The following ZDHHC14 variants were observed in gnomAD, a reference collection of about 807,000 sequenced individuals.
ZDHHC14 encodes the protein zDHHC palmitoyltransferase 14, also known as palmitoyltransferase ZDHHC14.
Under a neutral mutation model 47.7 loss-of-function variants are expected in ZDHHC14, and 16 were observed. The observed-to-expected ratio is 0.34, with a 90% CI of 0.23 to 0.51. The LOEUF (loss-of-function observed/expected upper bound fraction) is 0.51. Among genes scored for constraint, ZDHHC14 ranks in the 20% least tolerant of loss-of-function variants. ZDHHC14 has a pLI of 0.97. For synonymous variants in ZDHHC14, 293 were observed against 278.9 expected (o/e 1.05, Z -0.50); for missense variants, 515 against 662.5 (o/e 0.78, Z 2.44).
At chr6:157,514,924 A>T (rs1025738403) in intron 1 of ZDHHC14, among the ~76,000 whole-genome samples, 12 of 152,362 alleles carry the variant, frequency 7.9e-5, no homozygotes, top group African/African-American at 2.4e-4. Flanking sequence ...TCGACTTGGC[A>T]GGTCCGGAGA....
chr6:157,638,678 C>G (rs1777099895), intron 5 of ZDHHC14, among the ~76,000 whole-genome samples: 1 of 152,262 alleles, frequency 6.6e-6, no homozygotes, highest in South Asian at 2.1e-4. Context: ...AGCGGGGAGA[C>G]ACACAAATGC....
At chr6:157,495,040 C>A (rs897019853) in intron 1 of ZDHHC14, among the ~76,000 whole-genome samples, 6 of 151,612 alleles carry the variant, frequency 4.0e-5, no homozygotes, top group African/African-American at 7.3e-5. Flanking sequence ...GGGACTACAG[C>A]CTCCCATGGT....
chr6:157,515,359 G>T (rs1780645515), intron 1 of ZDHHC14, among the ~76,000 whole-genome samples: 1 of 151,968 alleles, frequency 6.6e-6, no homozygotes, highest in Non-Finnish European at 1.5e-5. Context: ...TCCAGCTCAC[G>T]TGATTCTAGT....
chr6:157,639,270 C>G (rs915420510), intron 5 of ZDHHC14, among the ~76,000 whole-genome samples: 2 of 152,336 alleles, frequency 1.3e-5, no homozygotes, highest in Middle Eastern at 3.4e-3. Flanking sequence ...ATCATCAGTG[C>G]TGGGTTTTGA....
intron 3 of ZDHHC14, among the ~76,000 whole-genome samples, chr6:157,601,593 A>G (rs1583002435): frequency 1.3e-5 from 2 of 152,218 alleles, no homozygotes; most frequent in Non-Finnish European, 2.9e-5. Context: ...TTAATGAATT[A>G]TGAGTCGGGG....
At chr6:157,525,173 T>C (rs1039450559) in intron 1 of ZDHHC14, among the ~76,000 whole-genome samples, 7 of 152,036 alleles carry the variant, frequency 4.6e-5, no homozygotes, top group Non-Finnish European at 1.5e-5. Flanking sequence ...TGTTTTTTGT[T>C]TTTTTGAGAC....
intron 1 of ZDHHC14, among the ~76,000 whole-genome samples, chr6:157,515,456 TC>T (rs1406051738): frequency 1.0e-4 from 14 of 140,684 alleles, no homozygotes; most frequent in African/African-American, 3.8e-4. Context: ...TTTTTCTTTT[TC>T]TTTTTTTTTT....
rs552701423 is a variant in ZDHHC14, at chr6:157,439,317, GA to G, written c.245+57057del. ...ACAAGGAACGTAAACAAATTTACAA[GA>G]AAAAACAACCCTATTAGAAGGTGGG... On this transcript the variant is annotated intron_variant, in intron 1 of 8. Transcript: ENST00000359775. Among the ~76,000 whole-genome samples, 74 of 152,114 alleles carry G rather than the reference GA, an allele frequency of 4.9e-4. 1 individual carries two copies. In the South Asian group the frequency reaches 9.8e-3, roughly 20 times the overall value.
chr6:157,538,634 A>C (rs1296933740), intron 1 of ZDHHC14, among the ~76,000 whole-genome samples: 4 of 152,192 alleles, frequency 2.6e-5, no homozygotes, highest in African/African-American at 7.2e-5. Flanking sequence ...AGTGAGGTGC[A>C]TGGAGCATGT....
intron 1 of ZDHHC14, among the ~76,000 whole-genome samples, chr6:157,391,617 T>TA (rs1197453169): frequency 6.6e-6 from 1 of 152,222 alleles, no homozygotes; most frequent in Admixed American, 6.5e-5. Context: ...TAATGTGGGT[T>TA]AAAAATTTAT....
intron 1 of ZDHHC14, among the ~76,000 whole-genome samples, chr6:157,387,348 CTG>C (rs984645878): frequency 2.6e-5 from 4 of 152,182 alleles, no homozygotes; most frequent in Non-Finnish European, 4.4e-5. Flanking sequence ...AACGACGTCT[CTG>C]TTATAGATGG....
At chr6:157,422,751 A>G (rs1294798822) in intron 1 of ZDHHC14, among the ~76,000 whole-genome samples, 1 of 152,244 alleles carries the variant, frequency 6.6e-6, no homozygotes, top group African/African-American at 2.4e-5. Flanking sequence ...CAGTAATAGC[A>G]TGCCCAAGGC....
At position 157,673,129 on chromosome 6, in the gene ZDHHC14, T is replaced by G. The variant is rs1468951947; in HGVS notation, c.*7T>G. The G allele has an allele frequency of 1.3e-6, 2 of 1,566,868 alleles. No homozygotes were observed. Among genetic ancestry groups the G allele is most frequent in the East Asian group, 2.3e-5 (1 of 43,586 alleles). ...GAAGCTCAGCTCCGTGTGACCCACA[T>G]GGCCCCAGGCCGGGGGACACCAGAG... On this transcript the variant is annotated 3_prime_UTR_variant, in exon 9 of 9. Transcript: ENST00000359775. This position sits in a 1 kb window ranked among gnomAD's most constrained non-coding sequence, Gnocchi z 5.4.
chr6:157,501,542 A>T (rs1243061014), intron 1 of ZDHHC14, among the ~76,000 whole-genome samples: 3 of 152,242 alleles, frequency 2.0e-5, no homozygotes, highest in Non-Finnish European at 4.4e-5. Context: ...CATTAAAATG[A>T]TGTCAGCTCT....
At chr6:157,517,880 C>T (rs575592833) in intron 1 of ZDHHC14, among the ~76,000 whole-genome samples, 4 of 152,298 alleles carry the variant, frequency 2.6e-5, no homozygotes, top group South Asian at 2.1e-4. Context: ...TTAAAAGTGT[C>T]GCTGTTGCCC....
At chr6:157,517,452 A>G (rs1426325076) in intron 1 of ZDHHC14, among the ~76,000 whole-genome samples, 3 of 151,974 alleles carry the variant, frequency 2.0e-5, no homozygotes, top group Non-Finnish European at 2.9e-5. Flanking sequence ...CTGGGATTAC[A>G]GGTGCTGCTA....
At chr6:157,411,223 A>G (rs1040438257) in intron 1 of ZDHHC14, among the ~76,000 whole-genome samples, 2 of 152,198 alleles carry the variant, frequency 1.3e-5, no homozygotes, top group Non-Finnish European at 2.9e-5. Flanking sequence ...AATGAATGAA[A>G]AAAAGCCAAT....
chr6:157,442,108 C>A (rs1159986102), intron 1 of ZDHHC14, among the ~76,000 whole-genome samples: 1 of 152,110 alleles, frequency 6.6e-6, no homozygotes, highest in Non-Finnish European at 1.5e-5. Flanking sequence ...TTGAAAACTT[C>A]ATCTGAGCAT....
chr6:157,382,422 G>T (rs1314647785), intron 1 of ZDHHC14, among the ~76,000 whole-genome samples, 156 bp downstream of exon 1: 1 of 152,132 alleles, frequency 6.6e-6, no homozygotes, highest in Non-Finnish European at 1.5e-5. Flanking sequence ...TTAAAGGTCT[G>T]ATTGCTTTTG....
Sources: gnomAD v4.1 joint callset for allele counts (sites outside exome capture counted in the v4.1 genomes callset) on GRCh38, gnomAD v4.1.1 for gene constraint, Gnocchi (gnomAD v3.1) non-coding constraint, MANE v1.5 for transcripts, NCBI Gene and HGNC (gene_info 2026-07-23, HGNC 2026-07-21) for gene names.